Variants in LRP1B observed in about 807,000 individuals in gnomAD.
LRP1B encodes LDL receptor related protein 1B.
In LRP1B, 217 loss-of-function variants were observed where a neutral mutation model predicts 556.6. That is an observed-to-expected ratio of 0.39 (90% CI 0.35 to 0.44). The LOEUF (loss-of-function observed/expected upper bound fraction) is 0.44, where lower values mean the gene tolerates loss of function less well. LRP1B is among the 20% of genes least tolerant of loss of function. LRP1B has a pLI of 1.00. For missense variants in LRP1B, 5,053 were observed against 5,620.8 expected (o/e 0.90, Z 3.23); for synonymous variants, 2,047 against 1,865.8 (o/e 1.10, Z -2.50).
At chr2:141,474,545 T>G (rs1389587607) in intron 3 of LRP1B, among the ~76,000 whole-genome samples, 1 of 152,198 alleles carries the variant, frequency 6.6e-6, no homozygotes, top group African/African-American at 2.4e-5. Context: ...CAATAGATTA[T>G]GAGTGGATTA....
chr2:141,814,730 A>C (rs1016243601), intron 1 of LRP1B, among the ~76,000 whole-genome samples: 1 of 152,224 alleles, frequency 6.6e-6, no homozygotes, highest in African/African-American at 2.4e-5. Flanking sequence ...CTAATAGTGA[A>C]ATATTTAAGT....
At chr2:140,339,226 G>T (rs918323380) in intron 77 of LRP1B, among the ~76,000 whole-genome samples, 5 of 151,710 alleles carry the variant, frequency 3.3e-5, no homozygotes, top group African/African-American at 1.2e-4. Flanking sequence ...TATAGGTGTA[G>T]ATTGTAAGGT....
intron 2 of LRP1B, among the ~76,000 whole-genome samples, chr2:141,794,456 G>A (rs1695734529): frequency 6.6e-6 from 1 of 151,780 alleles, no homozygotes; most frequent in African/African-American, 2.4e-5. Context: ...AGATTGAAGG[G>A]CTCTAGTTCC....
chr2:141,065,303 A>G (rs1473661), intron 7 of LRP1B, among the ~76,000 whole-genome samples: 131,669 of 151,830 alleles, frequency 0.87, 57,427 homozygotes, highest in Non-Finnish European at 0.91. Context: ...AAAGACAAGG[A>G]CATTCTCTTG....
chr2:141,216,577 G>T (rs114572357), intron 6 of LRP1B, among the ~76,000 whole-genome samples: 1 of 152,104 alleles, frequency 6.6e-6, no homozygotes, highest in Non-Finnish European at 1.5e-5. Flanking sequence ...TTCACACTAT[G>T]ACTGGAAAAG....
At chr2:141,656,043 T>C (rs1373816829) in intron 2 of LRP1B, among the ~76,000 whole-genome samples, 2 of 152,136 alleles carry the variant, frequency 1.3e-5, no homozygotes, top group Non-Finnish European at 2.9e-5. Context: ...GGTATAATTA[T>C]TATACCCATT....
intron 3 of LRP1B, among the ~76,000 whole-genome samples, chr2:141,342,257 A>T (rs569501147): frequency 6.9e-4 from 84 of 121,514 alleles, no homozygotes; most frequent in African/African-American, 2.8e-3. Context: ...AAAAAAAAAA[A>T]TAAAATAAAT....
chr2:141,923,423 A>ATATATATATATATATG (rs1700244410), intron 1 of LRP1B, among the ~76,000 whole-genome samples: 1 of 130,198 alleles, frequency 7.7e-6, no homozygotes, highest in Non-Finnish European at 1.6e-5. Flanking sequence ...ATATATATAT[A>ATATATATATATATATG]GTGACAAAGA....
intron 21 of LRP1B, among the ~76,000 whole-genome samples, chr2:140,909,238 CTAGT>C (rs1229035545): frequency 6.6e-6 from 1 of 152,028 alleles, no homozygotes; most frequent in African/African-American, 2.4e-5. Context: ...AAAGATAATA[CTAGT>C]TATTGACTGA....
intron 66 of LRP1B, among the ~76,000 whole-genome samples, chr2:140,388,081 C>T (rs190845405): frequency 0.021 from 3,159 of 151,916 alleles, 37 homozygotes; most frequent in African/African-American, 0.028. Context: ...GGATTACAGG[C>T]ATTCGCCACC....
intron 79 of LRP1B, among the ~76,000 whole-genome samples, chr2:140,329,375 G>C (rs1490326366): frequency 3.3e-5 from 5 of 152,170 alleles, no homozygotes; most frequent in African/African-American, 1.2e-4. Context: ...ATTCCACACA[G>C]AATTGGAATT....
rs529853250 is a variant in LRP1B, at chr2:140,927,263, C to T, written c.3137-4116G>A. Among the ~76,000 whole-genome samples the T allele has an allele frequency of 2.6e-5, 4 of 152,290 alleles. No individual in the cohort carries two copies. The South Asian group carries it at 8.3e-4, about 32-fold the overall frequency. ...GAGATTGCAATGAGCCAAGATGGTG[C>T]TACTGCACTCCAGCCTGGGGGACAG... On this transcript the variant is annotated intron_variant, in intron 20 of 90. Transcript: ENST00000389484.
intron 2 of LRP1B, among the ~76,000 whole-genome samples, chr2:141,681,127 AC>A (rs1350762792): frequency 1.3e-5 from 2 of 152,020 alleles, no homozygotes; most frequent in African/African-American, 2.4e-5. Context: ...CCCTGTCTCA[AC>A]AAAAAATACA....
chr2:140,234,846 A>C lies in LRP1B; in HGVS notation c.13599T>G (p.Leu4533=), dbSNP rs1289832393. 9 of 775,780 alleles carry C rather than the reference A, an allele frequency of 1.2e-5. No homozygotes were observed. The highest frequency in any genetic ancestry group is 2.2e-5 in the Non-Finnish European group (9 of 414,862). The allele number at this position is 775,780 out of a possible 1,614,324, so 48.1% of individuals were successfully genotyped here. ...GGTAGATGGGCGGCGCTGTGTGTGG[A>C]AGCTTGAAAGCACTGGGTCCTCCCC... ...YIGGGPSAFK[L]PHTAPPIYLN... The change falls in exon 90 of 91, where the codon CTT becomes CTG. Residue 4533 remains leucine, a synonymous_variant. Coordinates refer to ENST00000389484, the MANE Select transcript of LRP1B (RefSeq NM_018557.3).
chr2:140,729,386 T>G (rs1441337424), intron 35 of LRP1B, among the ~76,000 whole-genome samples: 1 of 152,142 alleles, frequency 6.6e-6, no homozygotes, highest in East Asian at 1.9e-4. Context: ...ATGCTTACTG[T>G]GTAAGGGCTA....
chr2:141,191,078 C>T (rs1469656263), intron 6 of LRP1B, among the ~76,000 whole-genome samples: 1 of 151,872 alleles, frequency 6.6e-6, no homozygotes, highest in African/African-American at 2.4e-5. Context: ...TGCTAAATGC[C>T]CCATTTACTA....
At chr2:141,205,507 T>G (rs1199245090) in intron 6 of LRP1B, among the ~76,000 whole-genome samples, 2 of 152,310 alleles carry the variant, frequency 1.3e-5, no homozygotes, top group East Asian at 3.9e-4. Context: ...GCCTCTATTA[T>G]CTGTATTTTA....
At chr2:140,985,357 T>A (rs73962105) in intron 17 of LRP1B, among the ~76,000 whole-genome samples, 27 of 150,752 alleles carry the variant, frequency 1.8e-4, no homozygotes, top group Admixed American at 4.0e-4. Flanking sequence ...TTTTTTAAAA[T>A]CAATTATACT....
At chr2:140,945,315 C>T (rs1257185830) in intron 20 of LRP1B, among the ~76,000 whole-genome samples, 3 of 152,188 alleles carry the variant, frequency 2.0e-5, no homozygotes, top group South Asian at 4.1e-4. Context: ...GATTCAACAC[C>T]ATTCCTATCA....
Sources: gnomAD v4.1 joint callset for allele counts (sites outside exome capture counted in the v4.1 genomes callset) on GRCh38, gnomAD v4.1.1 for gene constraint, MANE v1.5 for transcripts, NCBI Gene and HGNC (gene_info 2026-07-23, HGNC 2026-07-21) for gene names.